ARHGAP6: variants seen among roughly 807,000 people sequenced by gnomAD.
ARHGAP6 encodes Rho GTPase activating protein 6, also known as rho GTPase-activating protein 6.
A neutral mutation model predicts 55.7 loss-of-function variants in ARHGAP6; 16 were observed. The observed-to-expected ratio is 0.29, with a 90% confidence interval of 0.19 to 0.44. ARHGAP6 has a LOEUF of 0.44. Among genes scored for constraint, ARHGAP6 ranks in the 20% least tolerant of loss-of-function variants. The pLI is 1.00. For synonymous variants in ARHGAP6, 382 were observed against 360.9 expected (o/e 1.06, Z -0.66); for missense variants, 698 against 808.9 (o/e 0.86, Z 1.66).
At chrX:11,426,310 C>T (rs2049878925) in intron 1 of ARHGAP6, among the ~76,000 whole-genome samples, 1 of 111,156 alleles carries the variant, frequency 9.0e-6, no homozygotes. Flanking sequence ...CTCCGGGATG[C>T]CTGAGTCCAC....
At chrX:11,248,571 GA>G (rs1393700557) in intron 2 of ARHGAP6, among the ~76,000 whole-genome samples, 1 of 111,059 alleles carries the variant, frequency 9.0e-6, no homozygotes, top group East Asian at 2.8e-4. Context: ...ACATTAGCAA[GA>G]AAAAAACAAA....
chrX:11,576,956 A>T (rs1193705585), intron 1 of ARHGAP6, among the ~76,000 whole-genome samples: 2 of 111,138 alleles, frequency 1.8e-5, no homozygotes, highest in African/African-American at 6.6e-5. Context: ...CTCCTTCTTC[A>T]AAGCCAGCAG....
chrX:11,446,538 A>T, intron 1 of ARHGAP6, among the ~76,000 whole-genome samples: 1 of 111,540 alleles, frequency 9.0e-6, no homozygotes, highest in East Asian at 2.8e-4. Flanking sequence ...AAAATGAGAA[A>T]TTCTCTTGTA....
At chrX:11,410,444 T>C (rs2049666364) in intron 1 of ARHGAP6, among the ~76,000 whole-genome samples, 2 of 111,939 alleles carry the variant, frequency 1.8e-5, no homozygotes, top group African/African-American at 6.5e-5. Flanking sequence ...AAAAAGCAAA[T>C]TAATGGTTGT....
At chrX:11,234,643 T>A (rs1011477959) in intron 2 of ARHGAP6, among the ~76,000 whole-genome samples, 3 of 112,350 alleles carry the variant, frequency 2.7e-5, no homozygotes, top group Admixed American at 1.9e-4. Flanking sequence ...CTAAGCATAG[T>A]CTTACAAAAC....
At chrX:11,390,907 G>T (rs1360465859) in intron 1 of ARHGAP6, among the ~76,000 whole-genome samples, 2 of 112,094 alleles carry the variant, frequency 1.8e-5, no homozygotes, top group East Asian at 5.6e-4. Flanking sequence ...ACAGTGTGGT[G>T]ATTCCTCAGG....
At position 11,139,299 on chromosome X, in the gene ARHGAP6, G is replaced by A. The variant is rs1485132300; in HGVS notation, c.2489C>T (p.Ala830Val). Reference sequence around the variant, plus strand: ...CTCCGACCTGGCCGTGGGCCGCTCGGCTTTCCCTGCCACCTGGACGTGGGG... The same window carrying A: ...CTCCGACCTGGCCGTGGGCCGCTCGACTTTCCCTGCCACCTGGACGTGGGG... ...STPHVQVAGK[A>V]ERPTARSEQY... Residue 830 changes from alanine to valine, a missense_variant, in exon 13 of 13, where the codon GCC becomes GTC. Physicochemically the swap from Ala to Val is moderately conservative, Grantham distance 64. Transcript: ENST00000337414. 4 of 1,186,391 alleles carry A rather than the reference G, an allele frequency of 3.4e-6. No individual in the cohort carries two copies.
intron 1 of ARHGAP6, among the ~76,000 whole-genome samples, chrX:11,473,917 G>A (rs1387744087): frequency 9.0e-6 from 1 of 111,536 alleles, no homozygotes; most frequent in Non-Finnish European, 1.9e-5. Flanking sequence ...TCTGAATTCA[G>A]TTGATATTGA....
At chrX:11,318,204 G>T (rs2048383009) in intron 1 of ARHGAP6, among the ~76,000 whole-genome samples, 1 of 112,003 alleles carries the variant, frequency 8.9e-6, no homozygotes, top group South Asian at 3.7e-4. Flanking sequence ...GAAAAATGAT[G>T]AATAGATACA....
At chrX:11,180,898 T>G (rs968633887) in intron 6 of ARHGAP6, among the ~76,000 whole-genome samples, 2 of 112,398 alleles carry the variant, frequency 1.8e-5, no homozygotes, top group African/African-American at 6.5e-5. Context: ...TGAGTATACG[T>G]ACATGCAGAA....
chrX:11,419,362 T>A (rs2049792157), intron 1 of ARHGAP6, among the ~76,000 whole-genome samples: 1 of 112,266 alleles, frequency 8.9e-6, no homozygotes, highest in Admixed American at 9.4e-5. Flanking sequence ...TGACTGTGAA[T>A]CAGTAGCTAA....
intron 1 of ARHGAP6, among the ~76,000 whole-genome samples, chrX:11,437,944 A>G (rs1003314046): frequency 8.9e-6 from 1 of 112,352 alleles, no homozygotes; most frequent in African/African-American, 3.2e-5. Context: ...TTTTTGGTTG[A>G]ATACATGTTA....
rs190282222 is a variant in ARHGAP6, at chrX:11,391,900, C to A, written c.589-137193G>T. 2.1e-4 allele frequency among the ~76,000 whole-genome samples: 23 copies of A among 112,033 alleles called. No homozygotes were observed. The Admixed American group carries it at 2.2e-3, about 11-fold the overall frequency. On this transcript the variant is annotated intron_variant, in intron 1 of 12. Coordinates refer to ENST00000337414, the MANE Select transcript of ARHGAP6 (RefSeq NM_013427.3). The stretch of plus-strand genomic sequence containing the variant: ...ATGTCAACAGTGGTGTTCTAAGGAA[C>A]ACACTTGGAATAGTGAGGTGTCAAA...
At position 11,382,098 on chromosome X, in the gene ARHGAP6, T is replaced by C. The variant is rs149375272; in HGVS notation, c.589-127391A>G. ...TTGTTGGTTGTGGTAGTGATGGCAG[T>C]AATGATGACAAAGATGATAATGGTG... On this transcript the variant is annotated intron_variant, in intron 1 of 12. Coordinates refer to ENST00000337414, the MANE Select transcript of ARHGAP6 (RefSeq NM_013427.3). 1.4e-4 allele frequency among the ~76,000 whole-genome samples: 16 copies of C among 111,732 alleles called. No individual in the cohort carries two copies. The East Asian group carries it at 3.9e-3, about 28-fold the overall frequency.
chrX:11,173,362 T>G (rs1289370088), intron 8 of ARHGAP6, among the ~76,000 whole-genome samples: 2 of 111,924 alleles, frequency 1.8e-5, no homozygotes. Context: ...ATTTGTAACT[T>G]CTTTTTTTGC....
chrX:11,653,964 T>C (rs1231757381), intron 1 of ARHGAP6, among the ~76,000 whole-genome samples: 1 of 88,872 alleles, frequency 1.1e-5, no homozygotes, highest in African/African-American at 3.5e-5. Context: ...ATTTTGTTTG[T>C]CACCATCATC....
At chrX:11,530,810 T>C (rs1282124430) in intron 1 of ARHGAP6, among the ~76,000 whole-genome samples, 2 of 111,657 alleles carry the variant, frequency 1.8e-5, no homozygotes, top group Non-Finnish European at 3.8e-5. Flanking sequence ...GGGAGGCCTA[T>C]GTAACTGGAA....
intron 1 of ARHGAP6, among the ~76,000 whole-genome samples, chrX:11,366,463 C>T (rs1223827867): frequency 9.0e-6 from 1 of 111,668 alleles, no homozygotes; most frequent in Non-Finnish European, 1.9e-5. Flanking sequence ...TTGTATCTAT[C>T]AAGAAATTAT....
chrX:11,475,652 G>A (rs993879004), intron 1 of ARHGAP6, among the ~76,000 whole-genome samples: 6 of 107,104 alleles, frequency 5.6e-5, no homozygotes, highest in Non-Finnish European at 1.2e-4. Context: ...AAACTTAAAA[G>A]CTTCCAGACA....
Sources: allele counts gnomAD v4.1 joint callset (sites outside exome capture counted in the v4.1 genomes callset), GRCh38; gene constraint gnomAD v4.1.1; transcripts MANE v1.5; gene names NCBI Gene and HGNC (gene_info 2026-07-23, HGNC 2026-07-21).